The following SBSPON variants were observed in gnomAD, a reference collection of about 807,000 sequenced individuals.
SBSPON encodes somatomedin B and thrombospondin type 1 domain containing.
In SBSPON, 30 loss-of-function variants were observed where a neutral mutation model predicts 35.8. The observed-to-expected ratio is 0.84, with a 90% CI of 0.63 to 1.14. The LOEUF is 1.14. Ranked by LOEUF, SBSPON falls within the 50% of genes most tolerant of loss-of-function variation. SBSPON has a pLI of 0.00. For missense variants in SBSPON, 364 were observed against 357.7 expected, an observed-to-expected ratio of 1.02 and a Z score of -0.14; for synonymous variants, 136 against 135.9, an observed-to-expected ratio of 1.00 and a Z score of 0.00.
At chr8:73,072,912 G>A (rs1258044597) in intron 2 of SBSPON, among the ~76,000 whole-genome samples, 1 of 151,046 alleles carries the variant, frequency 6.6e-6, no homozygotes, top group African/African-American at 2.4e-5. Context: ...CTGGGTCAGA[G>A]AAAAAAAAAT....
intron 1 of SBSPON, chr8:73,083,780 C>T (rs1218639802): frequency 2.0e-5 from 3 of 152,244 alleles, no homozygotes; most frequent in African/African-American, 7.2e-5. Context: ...TGGCCTTTGA[C>T]TCCAAGTTTG....
In SBSPON at chr8:73,065,351, A is replaced by AT. The variant is rs1407656150; in HGVS notation, c.*1989dup. 1.3e-5 allele frequency: 2 copies of AT among 152,140 alleles called. No individual in the cohort carries two copies. Among genetic ancestry groups the AT allele is most frequent in the African/African-American group, 4.8e-5 (2 of 41,434 alleles). 9.4% of individuals were successfully genotyped at this position (152,140 alleles called of 1,614,324 possible). On this transcript the variant is annotated 3_prime_UTR_variant, in exon 5 of 5. Coordinates refer to ENST00000297354, the MANE Select transcript of SBSPON (RefSeq NM_153225.4). The stretch of plus-strand genomic sequence containing the variant: ...TACCTATACCTATCAGTTCTGAAGG[A>AT]TTTTTTTGTTTTATTTTTGGTGAAA...
chr8:73,079,716 G>A (rs900693255), intron 2 of SBSPON, among the ~76,000 whole-genome samples: 3 of 152,010 alleles, frequency 2.0e-5, no homozygotes, highest in Non-Finnish European at 4.4e-5. Flanking sequence ...CCTCTCACTC[G>A]TTTGCTACCA....
chr8:73,081,312 C>T (rs750770173), intron 1 of SBSPON, 99 bp from the exon 2 acceptor site: 156 of 1,054,584 alleles, frequency 1.5e-4, no homozygotes, highest in Non-Finnish European at 2.0e-4. Flanking sequence ...TCCATGTAAA[C>T]TTTGCCTGGC....
chr8:73,073,007 A>G (rs983760646), intron 2 of SBSPON, among the ~76,000 whole-genome samples: 13 of 152,148 alleles, frequency 8.5e-5, no homozygotes, highest in Non-Finnish European at 7.4e-5. Flanking sequence ...CACTAAGTCT[A>G]GGGAGGCATT....
At chr8:73,084,340 G>A (rs763656886) in intron 1 of SBSPON, among the ~76,000 whole-genome samples, 5 of 152,200 alleles carry the variant, frequency 3.3e-5, no homozygotes, top group Non-Finnish European at 5.9e-5. Context: ...AGCCAGTCAC[G>A]TCCAAGTACA....
Position 73,093,105 on chromosome 8 carries a change from C to G in SBSPON, c.-38G>C. On this transcript the variant is annotated 5_prime_UTR_variant, in exon 1 of 5. Coordinates refer to ENST00000297354, the MANE Select transcript of SBSPON (RefSeq NM_153225.4). ...GGCGGCGCCTGCGACGCGACAGACC[C>G]CCGGGGCAAGCGCTCTGATCCTCGG... 1 of 1,193,364 alleles carries G rather than the reference C, an allele frequency of 8.4e-7. No individual in the cohort carries two copies. The highest frequency in any genetic ancestry group is 1.6e-5 in the African/African-American group (1 of 61,610). The allele number at this position is 1,193,364 out of a possible 1,614,324, so 73.9% of individuals were successfully genotyped here.
intron 2 of SBSPON, among the ~76,000 whole-genome samples, chr8:73,074,142 A>G (rs1810548270): frequency 6.6e-6 from 1 of 152,226 alleles, no homozygotes; most frequent in Non-Finnish European, 1.5e-5. Flanking sequence ...TGCTAAATCC[A>G]TGCAGCATTA....
chr8:73,087,776 C>T (rs1192149644), intron 1 of SBSPON, among the ~76,000 whole-genome samples: 1 of 152,174 alleles, frequency 6.6e-6, no homozygotes, highest in African/African-American at 2.4e-5. Context: ...TCCTGCTTCA[C>T]TTGGGTTAAT....
chr8:73,065,468 T>C lies in SBSPON; in HGVS notation c.*1873A>G, dbSNP rs1355655754. The stretch of plus-strand genomic sequence containing the variant: ...TATAAATGTGAACAAAAAGTTTATT[T>C]ACTAGTATAAAAATTTTAAGTAACA... On this transcript the variant is annotated 3_prime_UTR_variant, in exon 5 of 5. Coordinates refer to ENST00000297354, the MANE Select transcript of SBSPON (RefSeq NM_153225.4). 3 of 152,128 alleles carry C rather than the reference T, an allele frequency of 2.0e-5. No individual in the cohort carries two copies. The highest frequency in any genetic ancestry group is 4.4e-5 in the Non-Finnish European group (3 of 68,026). 9.4% of individuals were successfully genotyped at this position (152,128 alleles called of 1,614,324 possible). A position where few individuals can be genotyped will look rare whatever the true frequency, so the allele number is the denominator to read the frequency against.
At chr8:73,076,410 G>A (rs1810595448) in intron 2 of SBSPON, among the ~76,000 whole-genome samples, 1 of 152,138 alleles carries the variant, frequency 6.6e-6, no homozygotes, top group Admixed American at 6.6e-5. Context: ...TTTCCAGGTG[G>A]ACCCAATGTA....
At chr8:73,080,618 T>C (rs574718957) in intron 2 of SBSPON, among the ~76,000 whole-genome samples, 1 of 152,338 alleles carries the variant, frequency 6.6e-6, no homozygotes, top group African/African-American at 2.4e-5. Context: ...GAAACAGGAA[T>C]TGCAGTGGAA....
chr8:73,091,135 G>A (rs935145663), intron 1 of SBSPON, among the ~76,000 whole-genome samples: 2 of 152,186 alleles, frequency 1.3e-5, no homozygotes, highest in Admixed American at 6.5e-5. Context: ...CTAGCACAGG[G>A]CCTGGCACAA....
Position 73,065,958 on chromosome 8 carries a change from C to T in SBSPON, c.*1383G>A, listed in dbSNP as rs181851027. ...AGAATTTAATTTTCCACAAAAACAA[C>T]TTTGACAATTAAATGAAAATACAGT... On this transcript the variant is annotated 3_prime_UTR_variant, in exon 5 of 5. Coordinates refer to ENST00000297354, the MANE Select transcript of SBSPON (RefSeq NM_153225.4). The T allele has an allele frequency of 6.6e-6, 1 of 151,822 alleles. No individual in the cohort carries two copies. Among genetic ancestry groups the T allele is most frequent in the Non-Finnish European group, 1.5e-5 (1 of 67,964 alleles). 9.4% of individuals were successfully genotyped at this position (151,822 alleles called of 1,614,324 possible).
rs965320563 is a variant in SBSPON, at chr8:73,066,304, G to A, written c.*1037C>T. On this transcript the variant is annotated 3_prime_UTR_variant, in exon 5 of 5. Transcript: ENST00000297354. ...TCCAAATTTGGCTCTGTGGCTGACTGCAGAATGACTTGTCATCCCAGGTCC... is the reference window on the plus strand; with the variant it reads ...TCCAAATTTGGCTCTGTGGCTGACTACAGAATGACTTGTCATCCCAGGTCC... The A allele has an allele frequency of 3.3e-5, 5 of 152,158 alleles. No homozygotes were observed. The highest frequency in any genetic ancestry group is 7.3e-5 in the Non-Finnish European group (5 of 68,046). The allele number at this position is 152,158 out of a possible 1,614,324, so 9.4% of individuals were successfully genotyped here.
intron 1 of SBSPON, among the ~76,000 whole-genome samples, chr8:73,088,435 C>A (rs28574723): frequency 0.019 from 2,838 of 152,314 alleles, 89 homozygotes; most frequent in African/African-American, 0.065. Context: ...ACAATCCCAG[C>A]ATGTTGGGAG....
At position 73,089,732 on chromosome 8, in the gene SBSPON, C is replaced by T. The variant is rs76728747; in HGVS notation, c.214+3122G>A. ...ATATTTAATCAAATGAAATATTCTC[C>T]GCTGTCGACCAGTGCTAAGAGCCAA... On this transcript the variant is annotated intron_variant, in intron 1 of 4. Coordinates refer to ENST00000297354, the MANE Select transcript of SBSPON (RefSeq NM_153225.4). Among the ~76,000 whole-genome samples, 422 of 152,268 alleles carry T rather than the reference C, an allele frequency of 2.8e-3. 6 individuals carry two copies. The East Asian group carries it at 0.047, about 17-fold the overall frequency.
intron 2 of SBSPON, among the ~76,000 whole-genome samples, chr8:73,076,514 G>A (rs1810597305): frequency 6.6e-6 from 1 of 152,014 alleles, no homozygotes; most frequent in African/African-American, 2.4e-5. Flanking sequence ...GGGTGTGTTG[G>A]TGCGCGCCTG....
intron 3 of SBSPON, 38 bp from the exon 4 acceptor site, chr8:73,070,019 G>A (rs2129987612): frequency 7.4e-7 from 1 of 1,353,810 alleles, no homozygotes; most frequent in African/African-American, 1.5e-5. Context: ...TTGCTGTAAT[G>A]AGCAGTGGCC....
Sources: gnomAD v4.1 joint callset for allele counts (sites outside exome capture counted in the v4.1 genomes callset) on GRCh38, gnomAD v4.1.1 for gene constraint, MANE v1.5 for transcripts, NCBI Gene and HGNC (gene_info 2026-07-23, HGNC 2026-07-21) for gene names.